PLA2G5: variants seen among roughly 807,000 people sequenced by gnomAD.
PLA2G5 encodes Ca2+-dependent phospholipase A2.
In PLA2G5, 12 loss-of-function variants were observed where a neutral mutation model predicts 15.9. The observed-to-expected ratio is 0.76, with a 90% CI of 0.48 to 1.23. The LOEUF is 1.23. Among genes scored for constraint, PLA2G5 ranks in the 50% most tolerant of loss-of-function variants. The pLI is 0.00. For missense variants in PLA2G5, 169 were observed against 177.1 expected (o/e 0.95, Z 0.26); for synonymous variants, 71 against 71.4 (o/e 0.99, Z 0.03).
At chr1:20,058,910 A>G (rs988790910) in intron 1 of PLA2G5, among the ~76,000 whole-genome samples, 1 of 152,170 alleles carries the variant, frequency 6.6e-6, no homozygotes, top group Non-Finnish European at 1.5e-5. Flanking sequence ...GCAGTGGCTC[A>G]TGCCTGTAAT....
At chr1:20,038,418 T>C (rs2013398048) in intron 1 of PLA2G5, among the ~76,000 whole-genome samples, 1 of 152,196 alleles carries the variant, frequency 6.6e-6, no homozygotes, top group African/African-American at 2.4e-5. Flanking sequence ...ACGTCAGAAA[T>C]GGCTTTCCTG....
intron 1 of PLA2G5, among the ~76,000 whole-genome samples, chr1:20,058,095 T>C (rs2014527020): frequency 6.6e-6 from 1 of 152,248 alleles, no homozygotes; most frequent in Non-Finnish European, 1.5e-5. Flanking sequence ...AGAATGTGTA[T>C]TCTACTGTTG....
intron 1 of PLA2G5, among the ~76,000 whole-genome samples, chr1:20,033,856 C>T (rs756303812): frequency 4.0e-5 from 6 of 151,830 alleles, no homozygotes; most frequent in Non-Finnish European, 8.8e-5. Context: ...GAGATACTTC[C>T]GGCTGTGAAT....
intron 2 of PLA2G5, among the ~76,000 whole-genome samples, chr1:20,063,142 A>G (rs2014825221): frequency 6.6e-6 from 1 of 152,146 alleles, no homozygotes; most frequent in Admixed American, 6.5e-5. Flanking sequence ...GCAGTGAGCT[A>G]TGATCACGCC....
rs150958700 is a variant in PLA2G5, at chr1:20,082,430, A to T, written c.-10-2391A>T. ...GAACGTCCCTAGCAGGTCATATACC[A>T]GTTAAATGCCGCCATTTTGCCTCTT... On this transcript the variant is annotated intron_variant, in intron 1 of 4. Coordinates refer to ENST00000375108, the MANE Select transcript of PLA2G5 (RefSeq NM_000929.3). 6.6e-5 allele frequency among the ~76,000 whole-genome samples: 10 copies of T among 151,942 alleles called. No homozygotes were observed. In the East Asian group the frequency reaches 1.9e-3, roughly 29 times the overall value.
chr1:20,051,898 A>G (rs1051289039), intron 1 of PLA2G5, among the ~76,000 whole-genome samples: 2 of 152,082 alleles, frequency 1.3e-5, no homozygotes, highest in African/African-American at 4.8e-5. Flanking sequence ...AGAGGAATTC[A>G]CCCAATTCAA....
At chr1:20,045,640 C>T (rs933139083) in intron 1 of PLA2G5, among the ~76,000 whole-genome samples, 2 of 152,036 alleles carry the variant, frequency 1.3e-5, no homozygotes, top group African/African-American at 2.4e-5. Context: ...GCTGCTTACC[C>T]GATTTAAAAT....
intron 3 of PLA2G5, among the ~76,000 whole-genome samples, chr1:20,086,489 G>T (rs544482250): frequency 6.6e-6 from 1 of 152,264 alleles, no homozygotes; most frequent in South Asian, 2.1e-4. Flanking sequence ...TCTGCCATTT[G>T]GGTAGGGCTT....
chr1:20,030,118 TAGAG>T (rs1367808104), intron 1 of PLA2G5, among the ~76,000 whole-genome samples: 1 of 151,928 alleles, frequency 6.6e-6, no homozygotes, highest in Non-Finnish European at 1.5e-5. Flanking sequence ...AGAAAAAGTA[TAGAG>T]AGAGAAGAGT....
upstream of PLA2G5, among the ~76,000 whole-genome samples, chr1:20,067,230 A>G (rs1259064839): frequency 6.6e-6 from 1 of 152,140 alleles, no homozygotes; most frequent in African/African-American, 2.4e-5. Flanking sequence ...CCTGGGCTCA[A>G]GTGATCCCAC....
chr1:20,050,210 G>A (rs1193555632), intron 1 of PLA2G5, among the ~76,000 whole-genome samples: 1 of 152,062 alleles, frequency 6.6e-6, no homozygotes, highest in African/African-American at 2.4e-5. Flanking sequence ...GAGTTACAGG[G>A]CTTTGACTCC....
chr1:20,029,277 G>A (rs922598729), intron 1 of PLA2G5, among the ~76,000 whole-genome samples: 1 of 152,184 alleles, frequency 6.6e-6, no homozygotes, highest in South Asian at 2.1e-4. Flanking sequence ...TGTTTTGGTG[G>A]CCTGCCAGCA....
intron 1 of PLA2G5, among the ~76,000 whole-genome samples, chr1:20,073,162 A>T (rs939212244): frequency 6.6e-6 from 1 of 152,226 alleles, no homozygotes; most frequent in African/African-American, 2.4e-5. Context: ...TGGAAAAACA[A>T]GTAGATTTTA....
intron 1 of PLA2G5, 112 bp downstream of exon 1, chr1:20,070,577 G>T: frequency 1.8e-6 from 1 of 561,860 alleles, no homozygotes; most frequent in Non-Finnish European, 2.3e-6. Context: ...CCCAGGGGGA[G>T]GTGCGCAGGC....
chr1:20,068,904 C>A (rs186249975), upstream of PLA2G5: 6 of 1,283,260 alleles, frequency 4.7e-6, no homozygotes, highest in Admixed American at 9.2e-5. Context: ...GGAACACACT[C>A]CCCCCTACGT....
intron 1 of PLA2G5, among the ~76,000 whole-genome samples, chr1:20,043,760 T>G (rs1199647599): frequency 1.3e-5 from 2 of 152,132 alleles, no homozygotes; most frequent in African/African-American, 4.8e-5. Context: ...TTTTGAAGCT[T>G]GGCCGTCAAT....
chr1:20,051,487 G>C (rs935241446), intron 1 of PLA2G5, among the ~76,000 whole-genome samples: 1 of 152,114 alleles, frequency 6.6e-6, no homozygotes, highest in Non-Finnish European at 1.5e-5. Flanking sequence ...TTTCTTTTGA[G>C]CTATTAACAG....
chr1:20,090,290 G>A (rs1464838805), intron 4 of PLA2G5, among the ~76,000 whole-genome samples: 5 of 152,148 alleles, frequency 3.3e-5, no homozygotes, highest in Admixed American at 1.3e-4. Context: ...CCAGAGCAGC[G>A]GCTGCCTCCA....
At chr1:20,056,759 T>G (rs1456074223) in intron 1 of PLA2G5, among the ~76,000 whole-genome samples, 6 of 152,244 alleles carry the variant, frequency 3.9e-5, no homozygotes, top group Non-Finnish European at 8.8e-5. Flanking sequence ...TCATTCTGCT[T>G]CTACCTTCTG....
Sources: gnomAD v4.1 joint callset for allele counts (sites outside exome capture counted in the v4.1 genomes callset) on GRCh38, gnomAD v4.1.1 for gene constraint, MANE v1.5 for transcripts, NCBI Gene and HGNC (gene_info 2026-07-23, HGNC 2026-07-21) for gene names.